SETBP1: variants seen among roughly 807,000 people sequenced by gnomAD.
SETBP1 encodes SET binding protein 1.
Under a neutral mutation model 101.0 loss-of-function variants are expected in SETBP1, and 9 were observed. The ratio of observed to expected loss-of-function variants is 0.09; its 90% confidence interval spans 0.05 to 0.16. The LOEUF (loss-of-function observed/expected upper bound fraction) is 0.16. SETBP1 is among the 10% of genes least tolerant of loss of function. The pLI, the probability that SETBP1 is intolerant of heterozygous loss-of-function variation, is 1.00. For missense variants in SETBP1, 1,858 were observed against 2,033.8 expected, an observed-to-expected ratio of 0.91 and a Z score of 1.66; for synonymous variants, 818 against 788.5, an observed-to-expected ratio of 1.04 and a Z score of -0.63.
At chr18:45,036,703 T>G (rs2073405237) in intron 4 of SETBP1, among the ~76,000 whole-genome samples, 1 of 152,186 alleles carries the variant, frequency 6.6e-6, no homozygotes, top group East Asian at 1.9e-4. Flanking sequence ...GAGACTGGAA[T>G]GGAGAATAGG....
chr18:44,759,011 C>T (rs988905522), intron 2 of SETBP1, among the ~76,000 whole-genome samples: 1 of 152,250 alleles, frequency 6.6e-6, no homozygotes, highest in South Asian at 2.1e-4. Flanking sequence ...CAAAACTAGT[C>T]TCTCTAAATA....
chr18:45,020,219 C>T (rs7241277), intron 4 of SETBP1, among the ~76,000 whole-genome samples: 2,770 of 136,114 alleles, frequency 0.02, 26 homozygotes, highest in Middle Eastern at 0.043. Flanking sequence ...GAGATCACAC[C>T]ACTACACTCT....
chr18:44,952,353 C>T lies in SETBP1; in HGVS notation c.3013C>T (p.Leu1005Phe), dbSNP rs2071378852. 1 of 1,613,990 alleles carries T rather than the reference C, an allele frequency of 6.2e-7. No individual in the cohort carries two copies. The highest frequency in any genetic ancestry group is 1.1e-5 in the South Asian group (1 of 91,084). ...GCCATATATCCAGTATGACCCGTTG[C>T]TCTATCTTCGTAGGACTTCAGACTT... ...PVPYIQYDPL[L>F]YLRRTSDLKS... is the part of the protein sequence containing the mutation. The change falls in exon 4 of 6, where the codon CTC becomes TTC. Residue 1005 changes from leucine to phenylalanine, a missense_variant. Physicochemically the swap from Leu to Phe is conservative, Grantham distance 22. Transcript: ENST00000649279.
intron 4 of SETBP1, among the ~76,000 whole-genome samples, chr18:44,976,069 G>C (rs2071978803): frequency 9.6e-6 from 1 of 103,774 alleles, no homozygotes; most frequent in African/African-American, 3.9e-5. Context: ...CTTTTGGGGA[G>C]GGATACACAC....
At chr18:44,788,949 C>T (rs1261891677) in intron 2 of SETBP1, among the ~76,000 whole-genome samples, 1 of 151,790 alleles carries the variant, frequency 6.6e-6, no homozygotes, top group Non-Finnish European at 1.5e-5. Flanking sequence ...ACTACAGGCG[C>T]ACACCACTCC....
At chr18:44,878,691 A>G (rs934540955) in intron 3 of SETBP1, among the ~76,000 whole-genome samples, 1 of 152,170 alleles carries the variant, frequency 6.6e-6, no homozygotes, top group Non-Finnish European at 1.5e-5. Context: ...ACAATAAATA[A>G]GCAAGCTCAC....
intron 3 of SETBP1, among the ~76,000 whole-genome samples, chr18:44,927,320 A>G (rs541998276): frequency 3.3e-5 from 5 of 152,192 alleles, no homozygotes; most frequent in Non-Finnish European, 7.3e-5. Flanking sequence ...ATTCCATGAC[A>G]GCAACTGCCC....
chr18:45,048,520 T>C (rs1319405975), intron 5 of SETBP1, among the ~76,000 whole-genome samples: 1 of 152,196 alleles, frequency 6.6e-6, no homozygotes, highest in East Asian at 1.9e-4. Context: ...CAAATACTCT[T>C]ATCTCAGGAC....
At chr18:44,938,952 G>A (rs2071022951) in intron 3 of SETBP1, among the ~76,000 whole-genome samples, 1 of 125,562 alleles carries the variant, frequency 8.0e-6, no homozygotes, top group East Asian at 2.7e-4. Context: ...GCTTTGGAGT[G>A]TGTGCATGTG....
chr18:44,964,782 C>A (rs778379331), intron 4 of SETBP1, among the ~76,000 whole-genome samples: 1 of 152,162 alleles, frequency 6.6e-6, no homozygotes, highest in Non-Finnish European at 1.5e-5. Flanking sequence ...GGAAAACCAA[C>A]TCATGCTCCC....
chr18:44,741,368 G>A (rs193072928), intron 2 of SETBP1, among the ~76,000 whole-genome samples: 110 of 152,242 alleles, frequency 7.2e-4, no homozygotes, highest in Admixed American at 7.1e-3. Flanking sequence ...GGGGCTGTGA[G>A]GAAAGGCTAA....
At chr18:44,713,638 A>G (rs1399017100) in intron 2 of SETBP1, among the ~76,000 whole-genome samples, 2 of 152,330 alleles carry the variant, frequency 1.3e-5, no homozygotes, top group African/African-American at 2.4e-5. Context: ...CAGTATCTCT[A>G]TTAACATGAC....
intron 3 of SETBP1, among the ~76,000 whole-genome samples, chr18:44,888,459 A>G (rs1335489288): frequency 6.6e-6 from 1 of 152,076 alleles, no homozygotes. Context: ...TTAAAGATTT[A>G]TCTTCCCTCA....
intron 3 of SETBP1, among the ~76,000 whole-genome samples, chr18:44,943,772 G>A (rs544982170): frequency 5.9e-5 from 9 of 152,158 alleles, no homozygotes; most frequent in South Asian, 2.1e-4. Context: ...TTCCCCAGGG[G>A]TTTGGAATCC....
At chr18:44,928,639 G>A (rs527527752) in intron 3 of SETBP1, among the ~76,000 whole-genome samples, 1 of 152,150 alleles carries the variant, frequency 6.6e-6, no homozygotes, top group African/African-American at 2.4e-5. Context: ...GTGTGAGATG[G>A]TATCTCATTG....
chr18:44,791,776 C>T (rs377057080), intron 2 of SETBP1, among the ~76,000 whole-genome samples: 1 of 152,126 alleles, frequency 6.6e-6, no homozygotes, highest in African/African-American at 2.4e-5. Context: ...CGCTTACAAA[C>T]GCCTCCCTGG....
chr18:44,800,338 T>C (rs2071578742), intron 2 of SETBP1, among the ~76,000 whole-genome samples: 1 of 152,184 alleles, frequency 6.6e-6, no homozygotes, highest in South Asian at 2.1e-4. Context: ...CTGGGAGTCC[T>C]TTAGAAGCAG....
chr18:44,784,442 C>T (rs2071196951), intron 2 of SETBP1, among the ~76,000 whole-genome samples: 1 of 152,200 alleles, frequency 6.6e-6, no homozygotes, highest in African/African-American at 2.4e-5. Context: ...TTCACATGAC[C>T]TACCCCTTCT....
intron 4 of SETBP1, among the ~76,000 whole-genome samples, chr18:44,970,769 T>A (rs1341778226): frequency 6.6e-6 from 1 of 152,178 alleles, no homozygotes; most frequent in Non-Finnish European, 1.5e-5. Flanking sequence ...CAGGCTGGTC[T>A]CGAACTCCTG....
Sources: allele counts gnomAD v4.1 joint callset (sites outside exome capture counted in the v4.1 genomes callset), GRCh38; gene constraint gnomAD v4.1.1; transcripts MANE v1.5; gene names NCBI Gene and HGNC (gene_info 2026-07-23, HGNC 2026-07-21).